IFT56: variants seen among roughly 807,000 people sequenced by gnomAD.
IFT56 encodes intraflagellar transport protein 56.
chr7:139,147,010 C>G, the IFT56 span: 3 of 1,533,934 alleles, frequency 2.0e-6, no homozygotes, highest in South Asian at 3.6e-5. Context: ...GACAAAGAAC[C>G]TAAGGGAAAT....
At chr7:139,180,134 G>A in the IFT56 span, among the ~76,000 whole-genome samples, 198 of 150,762 alleles carry the variant, frequency 1.3e-3, 1 homozygote, top group African/African-American at 4.5e-3. Context: ...TCAGGAGATC[G>A]AGACCATCCT....
the IFT56 span, among the ~76,000 whole-genome samples, chr7:139,154,400 T>G: frequency 6.6e-6 from 1 of 151,984 alleles, no homozygotes; most frequent in Non-Finnish European, 1.5e-5. Flanking sequence ...GGGGTTATAT[T>G]TAAGATTCCA....
the IFT56 span, among the ~76,000 whole-genome samples, chr7:139,164,415 A>G: frequency 2.0e-5 from 3 of 152,322 alleles, no homozygotes; most frequent in Admixed American, 6.5e-5. Context: ...ATTATTGGGT[A>G]CTTTAGGAGT....
At chr7:139,157,961 G>A in the IFT56 span, among the ~76,000 whole-genome samples, 2 of 152,144 alleles carry the variant, frequency 1.3e-5, no homozygotes, top group Admixed American at 1.3e-4. Flanking sequence ...GACAGGGACA[G>A]TGGGGGGTGT....
At chr7:139,133,985 G>T in the IFT56 span, 1 of 1,182,868 alleles carries the variant, frequency 8.5e-7, no homozygotes, top group Admixed American at 1.8e-5. Flanking sequence ...AGCTCTCCCT[G>T]TGTTCCCACG....
the IFT56 span, chr7:139,140,033 T>C: frequency 2.9e-6 from 4 of 1,365,130 alleles, no homozygotes; most frequent in Non-Finnish European, 4.1e-6. Flanking sequence ...CTGATATTCT[T>C]CATTCATAGT....
the IFT56 span, chr7:139,166,719 GAT>G: frequency 1.8e-6 from 1 of 558,888 alleles, no homozygotes; most frequent in East Asian, 2.6e-5. Context: ...TTAGAAGACA[GAT>G]AAAACAGATC....
the IFT56 span, among the ~76,000 whole-genome samples, chr7:139,160,453 G>A: frequency 2.8e-5 from 4 of 141,492 alleles, no homozygotes; most frequent in African/African-American, 1.1e-4. Flanking sequence ...TTTTTTTTGA[G>A]ACAGTCTTGC....
chr7:139,166,948 C>T, the IFT56 span: 5 of 1,246,134 alleles, frequency 4.0e-6, no homozygotes, highest in Middle Eastern at 2.3e-4. Context: ...AAAAGTGGAA[C>T]TTCAGAAATT....
chr7:139,190,629 G>A, the IFT56 span: 3 of 152,154 alleles, frequency 2.0e-5, no homozygotes, highest in Non-Finnish European at 2.9e-5. Context: ...AACATGAATC[G>A]TATAAAGTCC....
At chr7:139,147,793 C>T in the IFT56 span, among the ~76,000 whole-genome samples, 9 of 151,986 alleles carry the variant, frequency 5.9e-5, no homozygotes, top group South Asian at 2.1e-4. Context: ...AACACTTGGC[C>T]TCTCTCTCCC....
chr7:139,152,342 G>A, the IFT56 span, among the ~76,000 whole-genome samples: 2 of 152,154 alleles, frequency 1.3e-5, no homozygotes, highest in South Asian at 2.1e-4. Context: ...GCCCAGGCTG[G>A]TCTCAAACTT....
chr7:139,169,042 T>C, the IFT56 span, among the ~76,000 whole-genome samples: 1 of 152,144 alleles, frequency 6.6e-6, no homozygotes, highest in Non-Finnish European at 1.5e-5. Flanking sequence ...AATGATTGAG[T>C]TCATTTAATG....
chr7:139,183,584 TGAGA>T, the IFT56 span, among the ~76,000 whole-genome samples: 4 of 151,974 alleles, frequency 2.6e-5, no homozygotes, highest in Admixed American at 2.6e-4. Context: ...AGACATCTAT[TGAGA>T]GAGTGGATTA....
chr7:139,180,060 G>A, the IFT56 span, among the ~76,000 whole-genome samples: 53 of 152,342 alleles, frequency 3.5e-4, no homozygotes, highest in African/African-American at 1.2e-3. Context: ...ACTTTAGGCC[G>A]GGCGCGGTGG....
At chr7:139,141,148 C>G in the IFT56 span, among the ~76,000 whole-genome samples, 1 of 151,418 alleles carries the variant, frequency 6.6e-6, no homozygotes, top group Non-Finnish European at 1.5e-5. Flanking sequence ...GTAGTCCCAG[C>G]TACTCGGGAG....
chr7:139,172,959 C>G, the IFT56 span: 1 of 727,402 alleles, frequency 1.4e-6, no homozygotes, highest in Non-Finnish European at 2.6e-6. Context: ...TGTCCTGCTG[C>G]TGGCGCTTGG....
the IFT56 span, chr7:139,147,436 G>A: frequency 1.2e-5 from 9 of 743,180 alleles, no homozygotes; most frequent in African/African-American, 1.6e-4. Flanking sequence ...TTAAGAATTA[G>A]ATATTGTCTA....
chr7:139,145,357 T>G, the IFT56 span, among the ~76,000 whole-genome samples: 9 of 148,964 alleles, frequency 6.0e-5, no homozygotes, highest in South Asian at 1.9e-3. Flanking sequence ...ACTTCTGTTC[T>G]GCTTGGGATC....
Sources: gnomAD v4.1 joint callset for allele counts (sites outside exome capture counted in the v4.1 genomes callset) on GRCh38, gnomAD v4.1.1 for gene constraint, MANE v1.5 for transcripts, NCBI Gene and HGNC (gene_info 2026-07-23, HGNC 2026-07-21) for gene names.